The following CACNA1E variants were observed in gnomAD, a reference collection of about 807,000 sequenced individuals.
CACNA1E encodes the protein voltage-dependent R-type calcium channel subunit alpha-1E.
In CACNA1E, 40 loss-of-function variants were observed where a neutral mutation model predicts 259.2. That is an observed-to-expected ratio of 0.15 (90% CI 0.12 to 0.20). The LOEUF (loss-of-function observed/expected upper bound fraction) is 0.20, where lower values mean the gene tolerates loss of function less well. CACNA1E is among the 10% of genes least tolerant of loss of function. The pLI is 1.00. For synonymous variants in CACNA1E, 1,104 were observed against 1,138.5 expected (o/e 0.97, Z 0.61); for missense variants, 1,874 against 3,040.1 (o/e 0.62, Z 9.02).
At chr1:181,553,129 T>C (rs972639126) in intron 3 of CACNA1E, among the ~76,000 whole-genome samples, 2 of 152,250 alleles carry the variant, frequency 1.3e-5, no homozygotes, top group Non-Finnish European at 2.9e-5. Context: ...TTCCTATCCA[T>C]GAAGATGGAA....
chr1:181,615,341 C>T (rs764950297), intron 6 of CACNA1E, among the ~76,000 whole-genome samples: 2 of 152,100 alleles, frequency 1.3e-5, no homozygotes, highest in African/African-American at 2.4e-5. Context: ...AGGCACCTGC[C>T]ACCACGCCTG....
chr1:181,781,616 G>T, intron 39 of CACNA1E, 93 bp downstream of exon 39: 1 of 736,226 alleles, frequency 1.4e-6, no homozygotes, highest in Non-Finnish European at 2.4e-6. Context: ...AAGCCAGGCT[G>T]GGGAGGTGGA....
At chr1:181,411,588 C>T (rs974445751) in intron 1 of CACNA1E, among the ~76,000 whole-genome samples, 4 of 152,168 alleles carry the variant, frequency 2.6e-5, no homozygotes, top group African/African-American at 7.2e-5. Context: ...TCCTGACCAA[C>T]CCCAGCTGGG....
Position 181,715,334 on chromosome 1 carries a change from A to G in CACNA1E, c.1172-4A>G, listed in dbSNP as rs778007393. The G allele has an allele frequency of 1.6e-5, 25 of 1,580,194 alleles. No homozygotes were observed. In the East Asian group the frequency reaches 5.2e-4, roughly 33 times the overall value. On this transcript the variant is annotated splice_region_variant and splice_polypyrimidine_tract_variant and intron_variant, in intron 8 of 47. Transcript: ENST00000367573. Reference sequence around the variant, plus strand: ...AATTTACCAAACCATTTGTTTCCATATAGAGGAAGTCATGCTCGCTGAAGA... The same window carrying G: ...AATTTACCAAACCATTTGTTTCCATGTAGAGGAAGTCATGCTCGCTGAAGA...
chr1:181,548,289 C>T (rs1647743640), intron 3 of CACNA1E, among the ~76,000 whole-genome samples: 1 of 151,972 alleles, frequency 6.6e-6, no homozygotes, highest in East Asian at 1.9e-4. Flanking sequence ...TACCACCCAG[C>T]TAATTTTTGT....
intron 7 of CACNA1E, among the ~76,000 whole-genome samples, chr1:181,664,684 C>G (rs908998914): frequency 6.6e-6 from 1 of 151,948 alleles, no homozygotes; most frequent in African/African-American, 2.4e-5. Flanking sequence ...GAAGCAGAGG[C>G]AGTGTCAGGA....
chr1:181,736,113 T>C (rs575675495), intron 21 of CACNA1E, among the ~76,000 whole-genome samples, 162 bp from the exon 22 acceptor site: 1 of 152,338 alleles, frequency 6.6e-6, no homozygotes, highest in South Asian at 2.1e-4. Context: ...GGAGTTTAAC[T>C]CAGTGTCAGG....
rs549319503 is a variant in CACNA1E at position 181,541,614 on chromosome 1, G to A, written c.512+30104G>A. Among the ~76,000 whole-genome samples the A allele has an allele frequency of 7.2e-5, 11 of 152,334 alleles. No individual in the cohort carries two copies. In the East Asian group the frequency reaches 1.5e-3, roughly 21 times the overall value. ...TCTGAAAGGCTCTGTTTCTGGGCAA[G>A]CCGCAGTGCTTAGCAGCAGCTGCTA... On this transcript the variant is annotated intron_variant, in intron 3 of 47. Transcript: ENST00000367573.
chr1:181,370,730 G>A (rs543231876), intron 1 of CACNA1E, among the ~76,000 whole-genome samples: 6 of 152,194 alleles, frequency 3.9e-5, no homozygotes, highest in Non-Finnish European at 7.3e-5. Context: ...GACTAACACT[G>A]TGATAAACAT....
intron 6 of CACNA1E, among the ~76,000 whole-genome samples, chr1:181,584,897 G>A (rs1455766654): frequency 6.6e-6 from 1 of 152,192 alleles, no homozygotes; most frequent in African/African-American, 2.4e-5. Context: ...AGGATCAGGT[G>A]TATAGTTCCT....
At chr1:181,323,827 CT>C (rs1557910769) in intron 1 of CACNA1E, among the ~76,000 whole-genome samples, 1 of 152,212 alleles carries the variant, frequency 6.6e-6, no homozygotes, top group African/African-American at 2.4e-5. Flanking sequence ...CTTCCGCCTT[CT>C]TTTTTTGTTG....
At chr1:181,438,447 A>G (rs1263394346) in intron 2 of CACNA1E, among the ~76,000 whole-genome samples, 1 of 152,218 alleles carries the variant, frequency 6.6e-6, no homozygotes, top group African/African-American at 2.4e-5. Context: ...ATTTATGGAA[A>G]TTCTTTCAGG....
At chr1:181,755,447 T>C (rs1392671575) in intron 28 of CACNA1E, 50 bp downstream of exon 28, 2 of 1,452,264 alleles carry the variant, frequency 1.4e-6, no homozygotes, top group Non-Finnish European at 1.9e-6. Flanking sequence ...CATGTCCTGA[T>C]GATCCCACTC....
At chr1:181,766,176 G>A (rs1048380269) in intron 34 of CACNA1E, among the ~76,000 whole-genome samples, 13 of 152,102 alleles carry the variant, frequency 8.5e-5, no homozygotes, top group African/African-American at 1.2e-4. Context: ...AAAGCTAGGT[G>A]CTTCATATTT....
chr1:181,579,529 A>T (rs991015932), intron 5 of CACNA1E, among the ~76,000 whole-genome samples: 1 of 152,200 alleles, frequency 6.6e-6, no homozygotes, highest in Non-Finnish European at 1.5e-5. Flanking sequence ...AGCCAGGCAT[A>T]GTGGCACCCA....
In CACNA1E at chr1:181,572,957, A is replaced by G. The variant is rs137871311; in HGVS notation, c.513-4809A>G. ...GGGATGAAAACTAAAAAATCTTGAT[A>G]TTTTTTAGCAACACACTGGACTAAG... On this transcript the variant is annotated intron_variant, in intron 3 of 47. Transcript: ENST00000367573. 4.6e-3 allele frequency among the ~76,000 whole-genome samples: 701 copies of G among 152,188 alleles called. 6 individuals are homozygous for G. The highest frequency in any genetic ancestry group is 0.015 in the African/African-American group (639 of 41,516).
At chr1:181,699,387 C>T (rs1652012490) in intron 7 of CACNA1E, among the ~76,000 whole-genome samples, 1 of 152,130 alleles carries the variant, frequency 6.6e-6, no homozygotes, top group South Asian at 2.1e-4. Flanking sequence ...TGGTAGAGTG[C>T]AGCAGGTAAT....
At chr1:181,425,650 G>A (rs1213590850) in intron 2 of CACNA1E, among the ~76,000 whole-genome samples, 1 of 151,404 alleles carries the variant, frequency 6.6e-6, no homozygotes, top group African/African-American at 2.4e-5. Context: ...AGGCTGAGGC[G>A]CAGAGAAGGA....
chr1:181,379,775 A>G (rs922286679), intron 1 of CACNA1E, among the ~76,000 whole-genome samples: 2 of 152,150 alleles, frequency 1.3e-5, no homozygotes, highest in Non-Finnish European at 2.9e-5. Flanking sequence ...CAACATATGA[A>G]TTTGAGGGGG....
Sources: allele counts gnomAD v4.1 joint callset (sites outside exome capture counted in the v4.1 genomes callset), GRCh38; gene constraint gnomAD v4.1.1; transcripts MANE v1.5; gene names NCBI Gene and HGNC (gene_info 2026-07-23, HGNC 2026-07-21).